CNTRL: variants seen among roughly 807,000 people sequenced by gnomAD.
CNTRL encodes 110 kDa centrosomal protein.
Under a neutral mutation model 303.7 loss-of-function variants are expected in CNTRL, and 233 were observed. The observed-to-expected ratio is 0.77, with a 90% CI of 0.69 to 0.86. CNTRL has a LOEUF of 0.86. Among genes scored for constraint, CNTRL ranks in the 40% least tolerant of loss-of-function variants. The pLI, the probability that CNTRL is intolerant of heterozygous loss-of-function variation, is 0.00. For synonymous variants in CNTRL, 900 were observed against 922.2 expected (o/e 0.98, Z 0.44); for missense variants, 2,524 against 2,650.6 (o/e 0.95, Z 1.05).
intron 14 of CNTRL, among the ~76,000 whole-genome samples, chr9:121,131,669 G>T (rs1321200930): frequency 6.6e-6 from 1 of 152,188 alleles, no homozygotes; most frequent in Non-Finnish European, 1.5e-5. Flanking sequence ...ATTTGATCCT[G>T]TTGTTATGAT....
Position 121,145,332 on chromosome 9 carries a change from G to A in CNTRL, c.3257G>A (p.Arg1086Gln), listed in dbSNP as rs1259748874. Residue 1086 changes from arginine (R) to glutamine (Q), a missense_variant, in exon 22 of 44, where the codon CGA becomes CAA. Physicochemically the swap from Arg to Gln is conservative, Grantham distance 43 (BLOSUM62 1). Coordinates refer to ENST00000373855, the MANE Select transcript of CNTRL (RefSeq NM_007018.6). ...EIEKLNETME[R>Q]QRTEIARLQN... ...GAGAAACTGAATGAGACAATGGAAC[G>A]ACAAAGGACAGAGATTGCAAGGCTG... 12 of 1,613,932 alleles carry A rather than the reference G, an allele frequency of 7.4e-6. No homozygotes were observed. The highest frequency in any genetic ancestry group is 1.6e-4 in the Middle Eastern group (1 of 6,082).
At chr9:121,121,040 G>C (rs987399364) in intron 12 of CNTRL, among the ~76,000 whole-genome samples, 4 of 152,150 alleles carry the variant, frequency 2.6e-5, no homozygotes, top group African/African-American at 9.7e-5. Context: ...AAGCAGAAGA[G>C]AAATAATCAA....
chr9:121,156,648 G>A (rs1213532449), intron 27 of CNTRL, among the ~76,000 whole-genome samples: 1 of 151,930 alleles, frequency 6.6e-6, no homozygotes, highest in African/African-American at 2.4e-5. Context: ...TTTGGCTGAA[G>A]GTGAGTCACT....
At chr9:121,175,734 C>T (rs1229198059) in intron 43 of CNTRL, among the ~76,000 whole-genome samples, 1 of 152,168 alleles carries the variant, frequency 6.6e-6, no homozygotes, top group Non-Finnish European at 1.5e-5. Flanking sequence ...AAGCTGATGG[C>T]TTAGGAAACA....
rs2048823860 is a variant in CNTRL at position 121,094,875 on chromosome 9, T to C, written c.349-13T>C. The C allele has an allele frequency of 6.6e-7, 1 of 1,524,832 alleles. No homozygotes were observed. Among genetic ancestry groups the C allele is most frequent in the Non-Finnish European group, 8.9e-7 (1 of 1,117,926 alleles). The allele number at this position is 1,524,832 out of a possible 1,614,324, so 94.5% of individuals were successfully genotyped here. A position where few individuals can be genotyped will look rare whatever the true frequency, so the allele number is the denominator to read the frequency against. On this transcript the variant is annotated splice_polypyrimidine_tract_variant and intron_variant, in intron 4 of 43. Coordinates refer to ENST00000373855, the MANE Select transcript of CNTRL (RefSeq NM_007018.6). ...CTGTTGTGTAAAGTATTCATTCATTTGTTTCCAATTAGTATATTGAGAATT... is the reference window on the plus strand; with the variant it reads ...CTGTTGTGTAAAGTATTCATTCATTCGTTTCCAATTAGTATATTGAGAATT...
intron 35 of CNTRL, 40 bp from the exon 36 acceptor site, chr9:121,166,067 C>T: frequency 6.9e-7 from 1 of 1,457,582 alleles, no homozygotes. Context: ...ACAGTAAATA[C>T]GTATGTATTT....
At chr9:121,085,584 A>T (rs1814097880) in intron 2 of CNTRL, among the ~76,000 whole-genome samples, 1 of 152,312 alleles carries the variant, frequency 6.6e-6, no homozygotes, top group South Asian at 2.1e-4. Context: ...TGGTTGTTAC[A>T]TTCTGAGCAA....
intron 7 of CNTRL, among the ~76,000 whole-genome samples, chr9:121,099,752 C>T (rs551292091): frequency 1.3e-5 from 2 of 152,200 alleles, no homozygotes; most frequent in South Asian, 2.1e-4. Context: ...ACGAGAACTA[C>T]GTGACACATG....
chr9:121,160,071 A>G (rs2052773949), intron 31 of CNTRL, 72 bp from the exon 32 acceptor site: 1 of 1,168,558 alleles, frequency 8.6e-7, no homozygotes, highest in African/African-American at 1.6e-5. Context: ...AACAATAAAT[A>G]ACAGAACTTA....
chr9:121,081,044 A>G (rs2048118818), intron 2 of CNTRL, among the ~76,000 whole-genome samples: 1 of 152,178 alleles, frequency 6.6e-6, no homozygotes, highest in Non-Finnish European at 1.5e-5. Flanking sequence ...TAATAGACTG[A>G]GTGAGGAAAC....
Position 121,157,853 on chromosome 9 carries a change from G to A in CNTRL, c.4610G>A (p.Ser1537Asn). 1 of 1,614,080 alleles carries A rather than the reference G, an allele frequency of 6.2e-7. No individual in the cohort carries two copies. The highest frequency in any genetic ancestry group is 8.5e-7 in the Non-Finnish European group (1 of 1,179,998). Residue 1537 changes from serine (S) to asparagine (N), a missense_variant, in exon 29 of 44, where the codon AGC becomes AAC. By Grantham distance (46) the Ser-to-Asn change is conservative. Coordinates refer to ENST00000373855, the MANE Select transcript of CNTRL (RefSeq NM_007018.6). ...AAAGACTCAGACTTCCAATGTTTAA[G>A]CAAGAAGAAGGAAAAACTGACAGAA... ...AAKDSDFQCLSKKKEKLTEEL... is the reference protein window; with the variant it reads ...AAKDSDFQCLNKKKEKLTEEL...
chr9:121,160,954 G>A (rs1280138750), intron 32 of CNTRL, among the ~76,000 whole-genome samples: 1 of 152,098 alleles, frequency 6.6e-6, no homozygotes, highest in African/African-American at 2.4e-5. Flanking sequence ...GCTTCAGCCT[G>A]GGAAACAGAG....
chr9:121,091,180 C>T (rs1240770512), intron 4 of CNTRL, among the ~76,000 whole-genome samples: 5 of 152,166 alleles, frequency 3.3e-5, no homozygotes, highest in African/African-American at 4.8e-5. Flanking sequence ...AAAATGTTTG[C>T]TAATTCCTGC....
In CNTRL at chr9:121,177,464, A is replaced by AT. The variant is rs2053573507; in HGVS notation, c.*282dup. 5.5e-6 allele frequency: 2 copies of AT among 361,280 alleles called. No individual in the cohort carries two copies. The highest frequency in any genetic ancestry group is 9.4e-5 in the Admixed American group (2 of 21,234). 22.4% of individuals were successfully genotyped at this position (361,280 alleles called of 1,614,324 possible). ...GTAACATGTTTAAAAAAAAACAGTGATTTTAACTGCATATTTGAACCTACA... is the reference window on the plus strand; with the variant it reads ...GTAACATGTTTAAAAAAAAACAGTGATTTTTAACTGCATATTTGAACCTACA... On this transcript the variant is annotated 3_prime_UTR_variant, in exon 44 of 44. Transcript: ENST00000373855.
chr9:121,094,803 C>A, intron 4 of CNTRL, 85 bp from the exon 5 acceptor site: 1 of 1,023,166 alleles, frequency 9.8e-7, no homozygotes, highest in Non-Finnish European at 1.4e-6. Context: ...ACTGATCAAA[C>A]AGACCCTGAT....
At chr9:121,141,697 ATT>A (rs2051524673) in intron 18 of CNTRL, 109 bp downstream of exon 18, 1 of 1,048,258 alleles carries the variant, frequency 9.5e-7, no homozygotes. Flanking sequence ...AATTGTTGTT[ATT>A]TTCACTTATA....
chr9:121,124,374 A>G (rs1438923650), intron 13 of CNTRL, among the ~76,000 whole-genome samples: 2 of 152,226 alleles, frequency 1.3e-5, no homozygotes, highest in African/African-American at 4.8e-5. Flanking sequence ...TCTATGACAT[A>G]AAATCCATTC....
At chr9:121,098,843 AAAAC>A (rs1426197286) in intron 7 of CNTRL, among the ~76,000 whole-genome samples, 1 of 146,778 alleles carries the variant, frequency 6.8e-6, no homozygotes, top group African/African-American at 2.5e-5. Flanking sequence ...AAAAAAAACA[AAAAC>A]AAAGTAACAG....
At chr9:121,087,431 A>G (rs1273148555) in intron 2 of CNTRL, among the ~76,000 whole-genome samples, 3 of 152,090 alleles carry the variant, frequency 2.0e-5, no homozygotes, top group Non-Finnish European at 4.4e-5. Context: ...TCACACCCAT[A>G]TGTAATCCCA....
Sources: gnomAD v4.1 joint callset for allele counts (sites outside exome capture counted in the v4.1 genomes callset) on GRCh38, gnomAD v4.1.1 for gene constraint, MANE v1.5 for transcripts, NCBI Gene and HGNC (gene_info 2026-07-23, HGNC 2026-07-21) for gene names.